VTI1A: variants seen among roughly 807,000 people sequenced by gnomAD.
VTI1A encodes the protein vesicle transport through interaction with t-SNAREs homolog 1A.
VTI1A carries 22 observed loss-of-function variants against 34.9 expected under a neutral mutation model. The ratio of observed to expected loss-of-function variants is 0.63; its 90% CI spans 0.45 to 0.90. VTI1A has a LOEUF of 0.90. Among genes scored for constraint, VTI1A ranks in the 40% least tolerant of loss-of-function variants. The pLI is 0.00. For synonymous variants in VTI1A, 87 were observed against 97.3 expected (o/e 0.89, Z 0.62); for missense variants, 268 against 275.6 (o/e 0.97, Z 0.20).
chr10:112,731,541 C>T (rs907562948), intron 7 of VTI1A, among the ~76,000 whole-genome samples: 3 of 150,320 alleles, frequency 2.0e-5, no homozygotes, highest in South Asian at 2.1e-4. Flanking sequence ...TGCCACTACA[C>T]TCCAGCCTGG....
At chr10:112,545,913 G>A (rs1270920498) in intron 5 of VTI1A, among the ~76,000 whole-genome samples, 2 of 151,754 alleles carry the variant, frequency 1.3e-5, no homozygotes, top group Non-Finnish European at 2.9e-5. Flanking sequence ...ACCAGGGTGT[G>A]TGTGTGTGCA....
intron 4 of VTI1A, among the ~76,000 whole-genome samples, chr10:112,537,311 GTATATATATATA>G (rs10682533): frequency 0.31 from 20,049 of 65,420 alleles, 3,154 homozygotes; most frequent in South Asian, 0.48. Context: ...AAGTATCTAG[GTATATATATATA>G]TATATATATA....
intron 5 of VTI1A, among the ~76,000 whole-genome samples, chr10:112,603,289 G>C (rs1844947275): frequency 6.6e-6 from 1 of 152,184 alleles, no homozygotes; most frequent in East Asian, 1.9e-4. Flanking sequence ...GTTGAGATAA[G>C]AGCCTGTTCC....
At chr10:112,652,695 C>G (rs771349823) in intron 5 of VTI1A, among the ~76,000 whole-genome samples, 5 of 133,086 alleles carry the variant, frequency 3.8e-5, no homozygotes, top group Non-Finnish European at 7.6e-5. Flanking sequence ...CCAGTGCACT[C>G]TAGCCTGGGC....
At chr10:112,778,102 CA>C (rs1564921618) in intron 7 of VTI1A, among the ~76,000 whole-genome samples, 1 of 150,026 alleles carries the variant, frequency 6.7e-6, no homozygotes, top group Admixed American at 6.6e-5. Flanking sequence ...AACTCCATCT[CA>C]AAAAAAGGAA....
intron 7 of VTI1A, among the ~76,000 whole-genome samples, chr10:112,715,856 T>G (rs1326866009): frequency 6.6e-6 from 1 of 152,226 alleles, no homozygotes; most frequent in Non-Finnish European, 1.5e-5. Flanking sequence ...AAGACTGGTG[T>G]ATTCGCAGAC....
At chr10:112,814,245 G>A (rs1278519209) in intron 7 of VTI1A, among the ~76,000 whole-genome samples, 1 of 152,192 alleles carries the variant, frequency 6.6e-6, no homozygotes, top group African/African-American at 2.4e-5. Flanking sequence ...AGTGTTTGGT[G>A]ACTGGAGTAG....
rs79276133 is a variant in VTI1A, at chr10:112,473,001, G to C, written c.264+8344G>C. ...AAAAAGAAAAAAAAAATCACCAGTAGCCCTATTTTTGATTTTGGTTTGTTT... is the reference window on the plus strand; with the variant it reads ...AAAAAGAAAAAAAAAATCACCAGTACCCCTATTTTTGATTTTGGTTTGTTT... On this transcript the variant is annotated intron_variant, in intron 3 of 7. Transcript: ENST00000393077. Among the ~76,000 whole-genome samples the C allele has an allele frequency of 0.011, 1,699 of 149,286 alleles. 66 individuals carry two copies. The East Asian group carries it at 0.12, about 11-fold the overall frequency.
intron 7 of VTI1A, among the ~76,000 whole-genome samples, chr10:112,728,084 T>G (rs914828369): frequency 6.6e-6 from 1 of 152,204 alleles, no homozygotes; most frequent in Non-Finnish European, 1.5e-5. Context: ...AGTCACCGGC[T>G]GTCTCACTAA....
intron 5 of VTI1A, among the ~76,000 whole-genome samples, chr10:112,565,040 A>G (rs1851862886): frequency 6.6e-6 from 1 of 152,098 alleles, no homozygotes; most frequent in Non-Finnish European, 1.5e-5. Flanking sequence ...CCCCTCTTAT[A>G]TTTGACCAGA....
At chr10:112,581,957 C>G (rs777146783) in intron 5 of VTI1A, among the ~76,000 whole-genome samples, 1 of 152,192 alleles carries the variant, frequency 6.6e-6, no homozygotes, top group African/African-American at 2.4e-5. Flanking sequence ...AATGCAACTT[C>G]ACGGCAATAT....
chr10:112,639,362 A>G (rs1311455691), intron 5 of VTI1A, among the ~76,000 whole-genome samples: 1 of 152,212 alleles, frequency 6.6e-6, no homozygotes, highest in Non-Finnish European at 1.5e-5. Flanking sequence ...TATTCTTTTG[A>G]TGAATCACAT....
intron 5 of VTI1A, among the ~76,000 whole-genome samples, chr10:112,622,443 AC>A (rs1845769201): frequency 6.6e-6 from 1 of 150,824 alleles, no homozygotes; most frequent in Non-Finnish European, 1.5e-5. Context: ...TATTTATAAA[AC>A]AAAAAGTACC....
chr10:112,855,154 A>C, the VTI1A span, among the ~76,000 whole-genome samples: 3 of 152,152 alleles, frequency 2.0e-5, no homozygotes, highest in African/African-American at 4.8e-5. Flanking sequence ...TCGACCCAGG[A>C]TGGGAAGCCT....
At chr10:112,708,374 T>TA (rs1332716552) in intron 7 of VTI1A, among the ~76,000 whole-genome samples, 1 of 152,246 alleles carries the variant, frequency 6.6e-6, no homozygotes, top group Non-Finnish European at 1.5e-5. Flanking sequence ...CAGGTCTGTG[T>TA]AAAGAAGTTA....
intron 7 of VTI1A, among the ~76,000 whole-genome samples, chr10:112,805,863 C>T (rs1457774259): frequency 6.6e-6 from 1 of 152,144 alleles, no homozygotes; most frequent in Admixed American, 6.5e-5. Context: ...GGACTTCTGG[C>T]CTCCAGAACT....
intron 5 of VTI1A, among the ~76,000 whole-genome samples, chr10:112,599,440 A>T (rs1362773595): frequency 6.6e-6 from 1 of 152,112 alleles, no homozygotes; most frequent in Non-Finnish European, 1.5e-5. Context: ...GGGCGTATGC[A>T]TGTGAGAAGT....
chr10:112,483,942 C>T (rs540635832), intron 3 of VTI1A, among the ~76,000 whole-genome samples: 10 of 152,306 alleles, frequency 6.6e-5, no homozygotes, highest in African/African-American at 2.4e-4. Context: ...GGATCCAGGA[C>T]TAGAAATCAA....
chr10:112,529,702 A>T (rs948789940), intron 4 of VTI1A, among the ~76,000 whole-genome samples: 2 of 152,148 alleles, frequency 1.3e-5, no homozygotes, highest in Non-Finnish European at 2.9e-5. Context: ...AGATAAAAAT[A>T]GCAATATTCA....
Sources: allele counts gnomAD v4.1 joint callset (sites outside exome capture counted in the v4.1 genomes callset), GRCh38; gene constraint gnomAD v4.1.1; transcripts MANE v1.5; gene names NCBI Gene and HGNC (gene_info 2026-07-23, HGNC 2026-07-21).